Variants in MDGA2 observed in about 807,000 individuals in gnomAD.
The protein encoded by MDGA2 is MAM domain-containing glycosylphosphatidylinositol anchor protein 2.
A neutral mutation model predicts 117.8 loss-of-function variants in MDGA2; 40 were observed. The observed-to-expected ratio is 0.34, with a 90% CI of 0.26 to 0.44. The LOEUF (loss-of-function observed/expected upper bound fraction) is 0.44, where lower values mean the gene tolerates loss of function less well. MDGA2 is among the 20% of genes least tolerant of loss of function. The pLI, the probability that MDGA2 is intolerant of heterozygous loss-of-function variation, is 1.00. For missense variants in MDGA2, 1,123 were observed against 1,250.6 expected, an observed-to-expected ratio of 0.90 and a Z score of 1.54; for synonymous variants, 452 against 439.0, an observed-to-expected ratio of 1.03 and a Z score of -0.37.
intron 1 of MDGA2, among the ~76,000 whole-genome samples, chr14:47,436,001 G>T (rs987988268): frequency 6.6e-6 from 1 of 151,880 alleles, no homozygotes; most frequent in African/African-American, 2.4e-5. Context: ...TCTCAAGCTG[G>T]TCGCTTTTAG....
chr14:47,586,046 C>T (rs895566670), intron 1 of MDGA2, among the ~76,000 whole-genome samples: 1 of 151,748 alleles, frequency 6.6e-6, no homozygotes, highest in African/African-American at 2.4e-5. Flanking sequence ...ATGTCTGTTA[C>T]CAGAACGGGA....
At chr14:47,592,322 C>A (rs1485715399) in intron 1 of MDGA2, among the ~76,000 whole-genome samples, 1 of 151,970 alleles carries the variant, frequency 6.6e-6, no homozygotes, top group Non-Finnish European at 1.5e-5. Context: ...TTTCCCAAAG[C>A]AATTTATACA....
At chr14:47,537,540 G>C (rs574774708) in intron 1 of MDGA2, among the ~76,000 whole-genome samples, 4 of 114,082 alleles carry the variant, frequency 3.5e-5, no homozygotes, top group Non-Finnish European at 6.5e-5. Flanking sequence ...AGGAAACCCA[G>C]GGCTGCTATT....
intron 8 of MDGA2, among the ~76,000 whole-genome samples, chr14:46,965,031 C>T (rs1234033790): frequency 5.7e-5 from 7 of 123,374 alleles, no homozygotes; most frequent in African/African-American, 2.8e-4. Flanking sequence ...TCACGCCATT[C>T]TCCTGCCTCA....
intron 15 of MDGA2, among the ~76,000 whole-genome samples, chr14:46,848,545 A>G (rs1475023758): frequency 6.6e-6 from 1 of 151,860 alleles, no homozygotes; most frequent in Non-Finnish European, 1.5e-5. Flanking sequence ...CCTTTAAAGG[A>G]TTAAACAATC....
intron 6 of MDGA2, among the ~76,000 whole-genome samples, chr14:47,087,139 T>G (rs867262377): frequency 2.6e-5 from 4 of 152,162 alleles, no homozygotes; most frequent in Non-Finnish European, 5.9e-5. Flanking sequence ...AATTATATGT[T>G]AATACATGTG....
At chr14:46,842,331 G>A (rs1463091706) in intron 16 of MDGA2, among the ~76,000 whole-genome samples, 1 of 151,880 alleles carries the variant, frequency 6.6e-6, no homozygotes, top group Non-Finnish European at 1.5e-5. Flanking sequence ...GCTAGCCACA[G>A]GAAAGCAGGA....
intron 2 of MDGA2, among the ~76,000 whole-genome samples, chr14:47,250,380 C>G (rs1489975490): frequency 6.6e-6 from 1 of 152,166 alleles, no homozygotes; most frequent in Non-Finnish European, 1.5e-5. Flanking sequence ...TGTTTACTTA[C>G]TTATTTATAA....
intron 5 of MDGA2, among the ~76,000 whole-genome samples, chr14:47,121,940 AAGGATAAT>A (rs1881673545): frequency 6.6e-6 from 1 of 152,012 alleles, no homozygotes; most frequent in African/African-American, 2.4e-5. Context: ...CCATGTATAA[AAGGATAAT>A]AGCACAATCA....
chr14:47,645,526 G>A (rs1897512439), intron 1 of MDGA2, among the ~76,000 whole-genome samples: 1 of 151,674 alleles, frequency 6.6e-6, no homozygotes, highest in Non-Finnish European at 1.5e-5. Context: ...GAGCCACCGC[G>A]CCCGGCCCAA....
chr14:47,404,916 TTA>T (rs1205803801), intron 1 of MDGA2, among the ~76,000 whole-genome samples: 14 of 152,188 alleles, frequency 9.2e-5, no homozygotes, highest in Non-Finnish European at 1.5e-5. Context: ...TAAATGTATC[TTA>T]GATTGTTTGC....
chr14:47,247,174 G>A (rs901829774), intron 2 of MDGA2, among the ~76,000 whole-genome samples: 2 of 151,784 alleles, frequency 1.3e-5, no homozygotes, highest in Admixed American at 6.6e-5. Context: ...GAGGTGCTGC[G>A]TCTGCTGAAC....
chr14:47,147,111 G>T (rs1265708406), intron 3 of MDGA2, among the ~76,000 whole-genome samples: 3 of 151,834 alleles, frequency 2.0e-5, no homozygotes, highest in Admixed American at 6.6e-5. Flanking sequence ...TTTTAAGGGA[G>T]ATTATATATG....
intron 9 of MDGA2, among the ~76,000 whole-genome samples, chr14:46,945,680 A>G (rs1885148128): frequency 1.3e-5 from 2 of 152,080 alleles, no homozygotes; most frequent in South Asian, 4.1e-4. Flanking sequence ...CTTGGAATCT[A>G]CCTTGCTATG....
chr14:47,008,553 A>G (rs1887790461), intron 8 of MDGA2, among the ~76,000 whole-genome samples: 1 of 151,886 alleles, frequency 6.6e-6, no homozygotes, highest in South Asian at 2.1e-4. Context: ...AGACAGACTT[A>G]AATATTTAAA....
chr14:46,926,658 T>A (rs1884343835), intron 9 of MDGA2, among the ~76,000 whole-genome samples: 1 of 137,194 alleles, frequency 7.3e-6, no homozygotes, highest in Admixed American at 7.5e-5. Context: ...TACATTATCT[T>A]CAAATTAATG....
intron 3 of MDGA2, among the ~76,000 whole-genome samples, chr14:47,185,590 A>G (rs1252970586): frequency 1.3e-5 from 2 of 151,600 alleles, no homozygotes; most frequent in African/African-American, 4.8e-5. Flanking sequence ...TCAAAACTGT[A>G]AAAAGAAACA....
chr14:47,303,660 CAAAAT>C (rs1332185589), intron 1 of MDGA2, among the ~76,000 whole-genome samples: 3 of 151,864 alleles, frequency 2.0e-5, no homozygotes, highest in Non-Finnish European at 2.9e-5. Flanking sequence ...TAAATGCTTG[CAAAAT>C]AAAATAAAAT....
intron 3 of MDGA2, among the ~76,000 whole-genome samples, chr14:47,217,241 G>T (rs1046608401): frequency 2.0e-5 from 3 of 151,924 alleles, no homozygotes; most frequent in Admixed American, 2.0e-4. Flanking sequence ...TTTAAGAAAA[G>T]AAAAATAATT....
Sources: gnomAD v4.1 joint callset for allele counts (sites outside exome capture counted in the v4.1 genomes callset) on GRCh38, gnomAD v4.1.1 for gene constraint, MANE v1.5 for transcripts, NCBI Gene and HGNC (gene_info 2026-07-23, HGNC 2026-07-21) for gene names.